The following PXK variants were observed in gnomAD, a reference collection of about 807,000 sequenced individuals.
The protein encoded by PXK is PX domain containing serine/threonine kinase like, also known as PX domain-containing protein kinase-like protein.
PXK carries 35 observed loss-of-function variants against 84.7 expected under a neutral mutation model. The observed-to-expected ratio is 0.41, with a 90% CI of 0.32 to 0.55. The LOEUF (loss-of-function observed/expected upper bound fraction) is 0.55, where lower values mean the gene tolerates loss of function less well. PXK is among the 20% of genes least tolerant of loss of function. PXK has a pLI of 0.21. For missense variants in PXK, 634 were observed against 699.7 expected, an observed-to-expected ratio of 0.91 and a Z score of 1.06; for synonymous variants, 253 against 260.8, an observed-to-expected ratio of 0.97 and a Z score of 0.29.
chr3:58,349,131 G>T (rs2097873950), intron 1 of PXK, among the ~76,000 whole-genome samples: 1 of 149,756 alleles, frequency 6.7e-6, no homozygotes, highest in African/African-American at 2.5e-5. Flanking sequence ...TTACTAGGGA[G>T]GCTGAGGTGG....
chr3:58,333,047 T>C lies in PXK; in HGVS notation c.59T>C (p.Leu20Pro). Residue 20 changes from leucine (L) to proline (P), a missense_variant, in exon 1 of 18, where the codon CTG (leucine) becomes CCG (proline). Leu to Pro is a moderately conservative substitution (Grantham distance 98). This residue lies in a region of PXK where 353 missense variants were observed against 385.2 expected (regional missense o/e 0.92). Transcript: ENST00000356151. The surrounding 1 kb of genome is among the most constrained non-coding windows in gnomAD (Gnocchi z 5.4). ...GTGCTGCTGGACGACACGGTGCCGC[T>C]GACAGCAGCCATCGAGGCGAGCCAG... ...GKVLLDDTVPLTAAIEASQSL... is the reference protein window; with the variant it reads ...GKVLLDDTVPPTAAIEASQSL... The C allele has an allele frequency of 7.4e-7, 1 of 1,344,146 alleles. No homozygotes were observed. Among genetic ancestry groups the C allele is most frequent in the Non-Finnish European group, 9.7e-7 (1 of 1,033,384 alleles). 83.3% of individuals were successfully genotyped at this position (1,344,146 alleles called of 1,614,324 possible).
At chr3:58,367,939 C>G (rs1559946226) in intron 2 of PXK, among the ~76,000 whole-genome samples, 2 of 152,208 alleles carry the variant, frequency 1.3e-5, no homozygotes, top group Non-Finnish European at 2.9e-5. Context: ...CCTGCCTTAG[C>G]CTCCCAAAGT....
intron 17 of PXK, chr3:58,420,508 T>C (rs1029698700): frequency 6.5e-7 from 1 of 1,535,518 alleles, no homozygotes; most frequent in African/African-American, 1.4e-5. Flanking sequence ...GTGTCCCCCC[T>C]TTCTCTCTCT....
At chr3:58,380,004 T>G (rs576507247) in intron 3 of PXK, among the ~76,000 whole-genome samples, 8 of 151,356 alleles carry the variant, frequency 5.3e-5, no homozygotes, top group Admixed American at 6.6e-5. Context: ...AGCAGAAAAT[T>G]AAAAAGATAA....
At chr3:58,346,719 G>A (rs4681844) in intron 1 of PXK, among the ~76,000 whole-genome samples, 37,347 of 150,778 alleles carry the variant, frequency 0.25, 5,000 homozygotes, top group African/African-American at 0.35. Context: ...GTGCAGTAGC[G>A]TGATCTTGGC....
At chr3:58,336,071 A>ATATATATATATATATATATATATATTT (rs1284780630) in intron 1 of PXK, among the ~76,000 whole-genome samples, 1 of 51,572 alleles carries the variant, frequency 1.9e-5, no homozygotes, top group Non-Finnish European at 3.3e-5. Flanking sequence ...ATATATATAT[A>ATATATATATATATATATATATATATTT]TTTTTTTTTT....
chr3:58,412,859 T>A lies in PXK; in HGVS notation c.1466-42T>A. On this transcript the variant is annotated intron_variant, in intron 16 of 17. Coordinates refer to ENST00000356151, the MANE Select transcript of PXK (RefSeq NM_017771.5). The surrounding 1 kb of genome is among the most constrained non-coding windows in gnomAD (Gnocchi z 6.2). ...CAGCCTGGGCCAAATTCCAAATGTC[T>A]TTCGTTGGTCCCCATGAGGGTTTCT... 3 of 1,606,336 alleles carry A rather than the reference T, an allele frequency of 1.9e-6. No homozygotes were observed. Among genetic ancestry groups the A allele is most frequent in the Non-Finnish European group, 2.6e-6 (3 of 1,172,952 alleles).
At chr3:58,381,886 T>G (rs1390205655) in intron 3 of PXK, among the ~76,000 whole-genome samples, 1 of 152,142 alleles carries the variant, frequency 6.6e-6, no homozygotes, top group Non-Finnish European at 1.5e-5. Flanking sequence ...AGAGAATGGT[T>G]ATGTCACCTG....
chr3:58,413,016 G>A, intron 17 of PXK, 53 bp downstream of exon 17: 1 of 1,578,782 alleles, frequency 6.3e-7, no homozygotes, highest in Non-Finnish European at 8.7e-7. Flanking sequence ...AACAGGAGGA[G>A]CGGGCTGTGC....
chr3:58,413,100 C>A, intron 17 of PXK, 137 bp downstream of exon 17: 3 of 893,466 alleles, frequency 3.4e-6, no homozygotes, highest in Non-Finnish European at 3.6e-6. Context: ...AGTGGGAGTG[C>A]AAATTAGCAG....
intron 4 of PXK, among the ~76,000 whole-genome samples, chr3:58,384,079 T>A (rs1056153970): frequency 2.0e-5 from 3 of 152,208 alleles, no homozygotes; most frequent in African/African-American, 7.2e-5. Flanking sequence ...CGGAGTCTTG[T>A]GGTTGGAGCT....
intron 4 of PXK, among the ~76,000 whole-genome samples, chr3:58,387,435 C>T (rs960488564): frequency 2.0e-5 from 3 of 152,176 alleles, no homozygotes; most frequent in African/African-American, 4.8e-5. Flanking sequence ...AGAATAATTT[C>T]CCCAGTTCCT....
chr3:58,379,908 G>A lies in PXK; in HGVS notation c.202-2606G>A, dbSNP rs1339968683. The stretch of plus-strand genomic sequence containing the variant: ...GATTGCTTGAGCTTAGGAGGTCGAG[G>A]CTACAGTGAGCGGTGATCATGCCAC... On this transcript the variant is annotated intron_variant, in intron 3 of 17. Transcript: ENST00000356151. This position sits in a 1 kb window ranked among gnomAD's most constrained non-coding sequence, Gnocchi z 5.1. 6.6e-6 allele frequency among the ~76,000 whole-genome samples: 1 copy of A among 152,104 alleles called. No individual in the cohort carries two copies. The highest frequency in any genetic ancestry group is 1.5e-5 in the Non-Finnish European group (1 of 68,024).
Position 58,409,552 on chromosome 3 carries a change from G to A in PXK, c.1329G>A (p.Leu443=). The part of the protein sequence containing the change: ...EQKQIHQHRR[L]TRAQSHHGSE... The stretch of plus-strand genomic sequence containing the variant: ...TAAAGATTCACCAGCATCGAAGACT[G>A]ACAAGAGCTCAGTCCCACCATGGAT... Residue 443 remains leucine, a synonymous_variant, in exon 15 of 18, where the codon CTG becomes CTA. Coordinates refer to ENST00000356151, the MANE Select transcript of PXK (RefSeq NM_017771.5). This position sits in a 1 kb window ranked among gnomAD's most constrained non-coding sequence, Gnocchi z 4.2. 1 of 1,613,554 alleles carries A rather than the reference G, an allele frequency of 6.2e-7. No homozygotes were observed. The highest frequency in any genetic ancestry group is 8.5e-7 in the Non-Finnish European group (1 of 1,179,844).
chr3:58,395,834 G>A, intron 9 of PXK, 75 bp downstream of exon 9: 6 of 1,217,052 alleles, frequency 4.9e-6, no homozygotes, highest in Non-Finnish European at 7.1e-6. Flanking sequence ...AAGTTCTTAA[G>A]TAATATCCAA....
rs1217277688 is a variant in PXK, at chr3:58,399,803, G to T, written c.1181+426G>T. On this transcript the variant is annotated intron_variant, in intron 12 of 17. Coordinates refer to ENST00000356151, the MANE Select transcript of PXK (RefSeq NM_017771.5). The surrounding 1 kb of genome is among the most constrained non-coding windows in gnomAD (Gnocchi z 4.3). Reference sequence around the variant, plus strand: ...GGGCCTTGAAGGGTCTGCCCTCCAGGAAGAGGGCAACGTGTTTCTGAGCAC... The same window carrying T: ...GGGCCTTGAAGGGTCTGCCCTCCAGTAAGAGGGCAACGTGTTTCTGAGCAC... Among the ~76,000 whole-genome samples, 1 of 152,040 alleles carries T rather than the reference G, an allele frequency of 6.6e-6. No homozygotes were observed. Among genetic ancestry groups the T allele is most frequent in the Non-Finnish European group, 1.5e-5 (1 of 68,026 alleles).
chr3:58,354,458 T>C (rs898866038), intron 1 of PXK, among the ~76,000 whole-genome samples: 2 of 151,492 alleles, frequency 1.3e-5, no homozygotes, highest in African/African-American at 4.8e-5. Context: ...GTTTTTTTTT[T>C]TTTTTTGAGA....
At position 58,397,658 on chromosome 3, in the gene PXK, T is replaced by G; in HGVS notation, c.1038T>G (p.Thr346=). Residue 346 remains threonine (T), a synonymous_variant, in exon 11 of 18, where the codon ACT becomes ACG. Transcript: ENST00000356151. The surrounding 1 kb of genome is among the most constrained non-coding windows in gnomAD (Gnocchi z 4.7). ...TTGGCCACTTACTGTATGAAATGAC[T>G]TATGGACGACCGCCAGACTCGGTGC... The part of the protein sequence containing the change: ...HCFGHLLYEM[T]YGRPPDSVPV... 1 of 1,614,180 alleles carries G rather than the reference T, an allele frequency of 6.2e-7. No homozygotes were observed. Among genetic ancestry groups the G allele is most frequent in the Non-Finnish European group, 8.5e-7 (1 of 1,180,020 alleles).
chr3:58,394,773 T>A (rs533001765), intron 7 of PXK, among the ~76,000 whole-genome samples: 4 of 152,344 alleles, frequency 2.6e-5, no homozygotes, highest in Middle Eastern at 3.4e-3. Flanking sequence ...ATCTGTCTCC[T>A]GTTTTCCTTT....
Sources: allele counts gnomAD v4.1 joint callset (sites outside exome capture counted in the v4.1 genomes callset), GRCh38; gene constraint gnomAD v4.1.1; regional missense constraint gnomAD v4.1.1; non-coding constraint Gnocchi (gnomAD v3.1); transcripts MANE v1.5; gene names NCBI Gene and HGNC (gene_info 2026-07-23, HGNC 2026-07-21).